CTNNA2: variants seen among roughly 807,000 people sequenced by gnomAD.
CTNNA2 encodes catenin alpha 2.
A neutral mutation model predicts 101.0 loss-of-function variants in CTNNA2; 42 were observed. The ratio of observed to expected loss-of-function variants is 0.42; its 90% CI spans 0.32 to 0.54. CTNNA2 has a LOEUF of 0.54. CTNNA2 is among the 20% of genes least tolerant of loss of function. CTNNA2 has a pLI of 0.14. For missense variants in CTNNA2, 871 were observed against 1,223.1 expected, an observed-to-expected ratio of 0.71 and a Z score of 4.29; for synonymous variants, 450 against 456.4, an observed-to-expected ratio of 0.99 and a Z score of 0.18.
chr2:79,251,818 C>A (rs982776584), intron 2 of CTNNA2, among the ~76,000 whole-genome samples: 1 of 152,184 alleles, frequency 6.6e-6, no homozygotes, highest in African/African-American at 2.4e-5. Context: ...CCACCTAAGC[C>A]ATGACCTGCT....
At chr2:80,587,639 A>T (rs966920652) in intron 14 of CTNNA2, among the ~76,000 whole-genome samples, 2 of 152,090 alleles carry the variant, frequency 1.3e-5, no homozygotes, top group African/African-American at 4.8e-5. Context: ...CCTCTATTAG[A>T]CCTTAGTTAT....
intron 18 of CTNNA2, among the ~76,000 whole-genome samples, chr2:80,634,232 G>A (rs1672613579): frequency 1.3e-5 from 2 of 152,218 alleles, no homozygotes; most frequent in Non-Finnish European, 1.5e-5. Flanking sequence ...TTAAAATAGA[G>A]AAAGAATGGC....
intron 2 of CTNNA2, among the ~76,000 whole-genome samples, chr2:79,681,598 T>C (rs1410849288): frequency 6.6e-6 from 1 of 152,236 alleles, no homozygotes; most frequent in Non-Finnish European, 1.5e-5. Context: ...CTTAGCAGAA[T>C]GAAATATGGA....
intron 7 of CTNNA2, among the ~76,000 whole-genome samples, chr2:80,297,356 C>T (rs1333333453): frequency 1.3e-5 from 2 of 152,168 alleles, no homozygotes; most frequent in Non-Finnish European, 2.9e-5. Context: ...GCACAATGTA[C>T]CTGACTTCTG....
At chr2:79,297,685 C>T (rs1676013649) in intron 2 of CTNNA2, among the ~76,000 whole-genome samples, 2 of 152,178 alleles carry the variant, frequency 1.3e-5, no homozygotes, top group Admixed American at 6.5e-5. Context: ...CTATCTATAT[C>T]TATCTATCTA....
intron 4 of CTNNA2, among the ~76,000 whole-genome samples, chr2:79,477,597 A>G (rs1332438570): frequency 6.6e-6 from 1 of 152,178 alleles, no homozygotes; most frequent in Admixed American, 6.5e-5. Context: ...GCCTATTTGC[A>G]TTTCCTAGGC....
intron 3 of CTNNA2, among the ~76,000 whole-genome samples, chr2:79,800,897 G>A (rs1178316964): frequency 6.6e-6 from 1 of 152,128 alleles, no homozygotes; most frequent in Admixed American, 6.5e-5. Flanking sequence ...CATAGAAAGT[G>A]GTTATGGAGA....
At chr2:80,257,603 A>G (rs1189659410) in intron 7 of CTNNA2, among the ~76,000 whole-genome samples, 1 of 152,148 alleles carries the variant, frequency 6.6e-6, no homozygotes, top group East Asian at 1.9e-4. Context: ...TAGATCTCCA[A>G]GGAGAGTTCC....
intron 4 of CTNNA2, among the ~76,000 whole-genome samples, chr2:79,450,785 T>G (rs772181207): frequency 1.3e-5 from 2 of 152,078 alleles, no homozygotes; most frequent in Non-Finnish European, 2.9e-5. Flanking sequence ...CCAAAACACT[T>G]CTACATTAAA....
In CTNNA2 at chr2:79,778,342, C is replaced by CAAA. The variant is rs57955530; in HGVS notation, c.298+33769_298+33771dup. 2.1e-5 allele frequency among the ~76,000 whole-genome samples: 3 copies of CAAA among 143,060 alleles called. No homozygotes were observed. In the East Asian group the frequency reaches 6.1e-4, roughly 29 times the overall value. 93.9% of individuals were successfully genotyped at this position (143,060 alleles called of 152,430 possible). A position where few individuals can be genotyped will look rare whatever the true frequency, so the allele number is the denominator to read the frequency against. ...CTTGGGCTACAGAGTGAGACTCCAT[C>CAAA]AAAAAAAAAAATAAAAAAAGGCTTA... is the stretch of plus-strand genomic sequence containing the variant. On this transcript the variant is annotated intron_variant, in intron 3 of 18. Transcript: ENST00000402739.
At chr2:79,404,853 C>A (rs995346408) in intron 4 of CTNNA2, among the ~76,000 whole-genome samples, 2 of 151,930 alleles carry the variant, frequency 1.3e-5, no homozygotes, top group Non-Finnish European at 2.9e-5. Context: ...CCTAGTATCC[C>A]CTACCCTTGA....
intron 2 of CTNNA2, among the ~76,000 whole-genome samples, chr2:79,689,975 A>G (rs1466459707): frequency 1.3e-5 from 2 of 152,004 alleles, no homozygotes; most frequent in Non-Finnish European, 1.5e-5. Flanking sequence ...ATAGTTAAAA[A>G]TATCTTGCAT....
intron 3 of CTNNA2, among the ~76,000 whole-genome samples, chr2:79,823,174 C>T (rs924771248): frequency 1.3e-5 from 2 of 152,192 alleles, no homozygotes; most frequent in African/African-American, 4.8e-5. Context: ...GGCTTCTCTG[C>T]CTGTCTTCCC....
In CTNNA2 at chr2:80,370,252, T is replaced by TGG. The variant is rs1331001921; in HGVS notation, c.1057-22958_1057-22957dup. On this transcript the variant is annotated intron_variant, in intron 7 of 18. Transcript: ENST00000402739. The stretch of plus-strand genomic sequence containing the variant: ...AATATTGTATATGAACATATTTGAG[T>TGG]GGTGTGTGTGTGTGTGTATGTGTTT... Among the ~76,000 whole-genome samples, 4 of 136,960 alleles carry TGG rather than the reference T, an allele frequency of 2.9e-5. No individual in the cohort carries two copies. In the East Asian group the frequency reaches 9.7e-4, roughly 33 times the overall value. The allele number at this position is 136,960 out of a possible 152,430, so 89.9% of individuals were successfully genotyped here. A position where few individuals can be genotyped will look rare whatever the true frequency, so the allele number is the denominator to read the frequency against.
At chr2:79,960,340 A>G (rs1689544953) in intron 7 of CTNNA2, among the ~76,000 whole-genome samples, 1 of 152,172 alleles carries the variant, frequency 6.6e-6, no homozygotes, top group Non-Finnish European at 1.5e-5. Context: ...TACATTTGCA[A>G]TTTCAAGGAA....
chr2:79,841,280 A>C (rs2103843654), intron 3 of CTNNA2, among the ~76,000 whole-genome samples: 1 of 152,330 alleles, frequency 6.6e-6, no homozygotes, highest in South Asian at 2.1e-4. Flanking sequence ...TTATTGGTAC[A>C]TTCTCAGAGA....
intron 1 of CTNNA2, among the ~76,000 whole-genome samples, chr2:79,635,459 A>AG (rs1236284517): frequency 6.6e-6 from 1 of 151,820 alleles, no homozygotes. Flanking sequence ...GAAAAAAAAA[A>AG]GTGACTACTG....
chr2:79,328,113 A>T (rs956347013), intron 3 of CTNNA2, among the ~76,000 whole-genome samples: 2 of 152,182 alleles, frequency 1.3e-5, no homozygotes, highest in Non-Finnish European at 2.9e-5. Context: ...CCCACTATGT[A>T]TCTCCTTAAA....
intron 7 of CTNNA2, among the ~76,000 whole-genome samples, chr2:80,112,354 A>G (rs2035518): frequency 0.036 from 5,444 of 152,282 alleles, 305 homozygotes; most frequent in African/African-American, 0.12. Context: ...ATTATTTGCA[A>G]CAGAGATCAT....
Sources: allele counts gnomAD v4.1 joint callset (sites outside exome capture counted in the v4.1 genomes callset), GRCh38; gene constraint gnomAD v4.1.1; transcripts MANE v1.5; gene names NCBI Gene and HGNC (gene_info 2026-07-23, HGNC 2026-07-21).